The following GPC6 variants were observed in gnomAD, a reference collection of about 807,000 sequenced individuals.
GPC6 encodes glypican 6.
GPC6 carries 14 observed loss-of-function variants against 55.2 expected under a neutral mutation model. That is an observed-to-expected ratio of 0.25 (90% CI 0.17 to 0.40). The LOEUF (loss-of-function observed/expected upper bound fraction) is 0.40, where lower values mean the gene tolerates loss of function less well. Ranked by LOEUF, GPC6 falls within the 10% of genes least tolerant of loss-of-function variation. The pLI is 1.00. For missense variants in GPC6, 641 were observed against 708.5 expected, an observed-to-expected ratio of 0.90 and a Z score of 1.08; for synonymous variants, 278 against 259.6, an observed-to-expected ratio of 1.07 and a Z score of -0.68.
At chr13:94,373,552 T>C (rs906312288) in intron 6 of GPC6, among the ~76,000 whole-genome samples, 3 of 151,960 alleles carry the variant, frequency 2.0e-5, no homozygotes, top group Admixed American at 1.3e-4. Flanking sequence ...CTCCAAGAAA[T>C]ATGGGACTAT....
At chr13:93,537,893 T>C (rs1305156561) in intron 1 of GPC6, among the ~76,000 whole-genome samples, 1 of 149,970 alleles carries the variant, frequency 6.7e-6, no homozygotes, top group Non-Finnish European at 1.5e-5. Flanking sequence ...ACACTAGAAA[T>C]ATGAAATTAA....
intron 4 of GPC6, among the ~76,000 whole-genome samples, chr13:94,191,825 T>C (rs1371782980): frequency 2.0e-5 from 3 of 152,052 alleles, no homozygotes; most frequent in Non-Finnish European, 4.4e-5. Flanking sequence ...AGGTAACAAA[T>C]AGAGTGGCTA....
intron 3 of GPC6, among the ~76,000 whole-genome samples, chr13:93,868,040 T>G (rs1889022258): frequency 6.6e-6 from 1 of 151,780 alleles, no homozygotes; most frequent in African/African-American, 2.4e-5. Context: ...GGAGAATGCC[T>G]TGGTAAACCT....
rs553143410 is a variant in GPC6, at chr13:93,722,617, T to C, written c.320-107537T>C. 3.2e-4 allele frequency among the ~76,000 whole-genome samples: 48 copies of C among 152,034 alleles called. No individual in the cohort carries two copies. The South Asian group carries it at 9.7e-3, about 31-fold the overall frequency. ...TCAGGAAAATTGTTACTTTGCTTTCTGACTTACATATTGTATTCAATTCCT... is the reference window on the plus strand; with the variant it reads ...TCAGGAAAATTGTTACTTTGCTTTCCGACTTACATATTGTATTCAATTCCT... On this transcript the variant is annotated intron_variant, in intron 2 of 8. Coordinates refer to ENST00000377047, the MANE Select transcript of GPC6 (RefSeq NM_005708.5).
rs547630953 is a variant in GPC6, at chr13:93,431,072, A to G, written c.161-114191A>G. 1.6e-4 allele frequency among the ~76,000 whole-genome samples: 24 copies of G among 152,256 alleles called. 1 individual carries two copies. Among genetic ancestry groups the G allele is most frequent in the Admixed American group, 7.2e-4 (11 of 15,270 alleles). ...GTTTTTTATAAAATAAGACATAACA[A>G]TCTTTAGTTTTGCAGTTTATTGAAT... On this transcript the variant is annotated intron_variant, in intron 1 of 8. Coordinates refer to ENST00000377047, the MANE Select transcript of GPC6 (RefSeq NM_005708.5).
intron 2 of GPC6, among the ~76,000 whole-genome samples, chr13:93,589,715 A>T (rs1877373992): frequency 6.6e-6 from 1 of 152,174 alleles, no homozygotes. Context: ...TGACCCTTTG[A>T]TTAGTAAATG....
intron 2 of GPC6, among the ~76,000 whole-genome samples, chr13:93,611,949 C>T (rs897317417): frequency 6.6e-6 from 1 of 152,094 alleles, no homozygotes; most frequent in African/African-American, 2.4e-5. Flanking sequence ...ATTAAACTCA[C>T]AGTCATTGTC....
At chr13:93,847,717 T>G (rs1433829338) in intron 3 of GPC6, among the ~76,000 whole-genome samples, 1 of 152,158 alleles carries the variant, frequency 6.6e-6, no homozygotes, top group African/African-American at 2.4e-5. Flanking sequence ...TAATTCCTAT[T>G]AATTTTTAAG....
At chr13:94,361,869 G>A (rs1203506698) in intron 6 of GPC6, among the ~76,000 whole-genome samples, 2 of 152,204 alleles carry the variant, frequency 1.3e-5, no homozygotes, top group Non-Finnish European at 2.9e-5. Flanking sequence ...GTTAGTAACT[G>A]ACTTTAAATC....
At chr13:93,660,276 A>G (rs763063976) in intron 2 of GPC6, among the ~76,000 whole-genome samples, 5 of 152,078 alleles carry the variant, frequency 3.3e-5, no homozygotes, top group Admixed American at 1.3e-4. Context: ...CTGGCTATCA[A>G]TGTTATTTTT....
chr13:93,978,674 G>GT (rs768474218), intron 3 of GPC6, among the ~76,000 whole-genome samples: 92 of 151,866 alleles, frequency 6.1e-4, no homozygotes, highest in Non-Finnish European at 1.1e-3. Context: ...TCAATGTGAG[G>GT]TTTTTTTCAT....
At chr13:94,307,603 G>A (rs887610977) in intron 6 of GPC6, among the ~76,000 whole-genome samples, 12 of 152,278 alleles carry the variant, frequency 7.9e-5, no homozygotes, top group African/African-American at 9.6e-5. Context: ...ATGAGCCAAC[G>A]TGCTCAGCGG....
intron 2 of GPC6, among the ~76,000 whole-genome samples, chr13:93,638,815 T>C (rs1389736030): frequency 6.6e-6 from 1 of 152,182 alleles, no homozygotes; most frequent in African/African-American, 2.4e-5. Flanking sequence ...GTATATATAG[T>C]ATAATATCTC....
intron 2 of GPC6, among the ~76,000 whole-genome samples, chr13:93,545,883 A>G (rs1224926561): frequency 2.0e-5 from 3 of 152,234 alleles, no homozygotes; most frequent in Non-Finnish European, 4.4e-5. Context: ...TTGCAATCAT[A>G]TAGCACATTT....
At chr13:93,952,891 A>T (rs974470649) in intron 3 of GPC6, among the ~76,000 whole-genome samples, 1 of 146,990 alleles carries the variant, frequency 6.8e-6, no homozygotes, top group East Asian at 2.0e-4. Context: ...TATATGTGTG[A>T]TATATACGTG....
intron 2 of GPC6, among the ~76,000 whole-genome samples, chr13:93,671,705 A>T (rs1881366211): frequency 6.6e-6 from 1 of 151,902 alleles, no homozygotes; most frequent in Non-Finnish European, 1.5e-5. Context: ...GCGGGTACCA[A>T]ATGGGGCTGT....
At chr13:93,883,728 A>G (rs1173072267) in intron 3 of GPC6, among the ~76,000 whole-genome samples, 3 of 152,014 alleles carry the variant, frequency 2.0e-5, no homozygotes, top group East Asian at 1.9e-4. Flanking sequence ...TTTTGACCCA[A>G]CTATGGTTTT....
At chr13:93,920,875 C>A (rs922388165) in intron 3 of GPC6, among the ~76,000 whole-genome samples, 1 of 152,194 alleles carries the variant, frequency 6.6e-6, no homozygotes, top group Non-Finnish European at 1.5e-5. Context: ...TCTCACCTAA[C>A]AAAGCAGAAA....
chr13:93,719,753 G>A (rs1304002446), intron 2 of GPC6, among the ~76,000 whole-genome samples: 3 of 152,036 alleles, frequency 2.0e-5, no homozygotes, highest in South Asian at 2.1e-4. Flanking sequence ...TTTGAGATAC[G>A]ATCCATTGAT....
Sources: gnomAD v4.1 joint callset for allele counts (sites outside exome capture counted in the v4.1 genomes callset) on GRCh38, gnomAD v4.1.1 for gene constraint, MANE v1.5 for transcripts, NCBI Gene and HGNC (gene_info 2026-07-23, HGNC 2026-07-21) for gene names.